The following SIPA1L3 variants were observed in gnomAD, a reference collection of about 807,000 sequenced individuals.
SIPA1L3 encodes signal-induced proliferation-associated 1-like protein 3.
A neutral mutation model predicts 150.1 loss-of-function variants in SIPA1L3; 59 were observed. The observed-to-expected ratio is 0.39, with a 90% CI of 0.32 to 0.49. SIPA1L3 has a LOEUF of 0.49. Ranked by LOEUF, SIPA1L3 falls within the 20% of genes least tolerant of loss-of-function variation. The pLI is 0.86. For synonymous variants in SIPA1L3, 1,070 were observed against 1,077.6 expected (o/e 0.99, Z 0.14); for missense variants, 2,211 against 2,489.5 (o/e 0.89, Z 2.38).
chr19:38,089,887 C>T (rs55691903), intron 4 of SIPA1L3, among the ~76,000 whole-genome samples: 9,720 of 152,260 alleles, frequency 0.064, 1,047 homozygotes, highest in African/African-American at 0.22. Context: ...CAAATGCAGT[C>T]TCCAGAACTC....
intron 9 of SIPA1L3, among the ~76,000 whole-genome samples, chr19:38,123,753 A>C (rs1215487741): frequency 2.6e-5 from 4 of 151,938 alleles, no homozygotes; most frequent in East Asian, 3.9e-4. Flanking sequence ...CATTGTCATC[A>C]TGGCCCGTTC....
At chr19:38,196,276 C>T (rs1006120043) in intron 18 of SIPA1L3, among the ~76,000 whole-genome samples, 17 of 152,194 alleles carry the variant, frequency 1.1e-4, no homozygotes, top group Admixed American at 3.3e-4. Context: ...AGCAGTGAGA[C>T]GCCAGCAGGC....
intron 10 of SIPA1L3, among the ~76,000 whole-genome samples, chr19:38,134,158 A>G (rs934707424): frequency 2.6e-5 from 4 of 151,380 alleles, no homozygotes; most frequent in Non-Finnish European, 4.4e-5. Flanking sequence ...TAATTTTTGT[A>G]TTTTTAGCAG....
At position 38,141,392 on chromosome 19, in the gene SIPA1L3, C is replaced by T. The variant is rs937543173; in HGVS notation, c.3352C>T (p.Pro1118Ser). Residue 1118 changes from proline (P) to serine (S), a missense_variant, in exon 11 of 22, where the codon CCC (proline) becomes TCC (serine). Physicochemically the swap from Pro to Ser is moderately conservative, Grantham distance 74. Coordinates refer to ENST00000222345, the MANE Select transcript of SIPA1L3 (RefSeq NM_015073.3). Reference protein sequence around the residue: ...QSLSRPLKQTPIVPFRESQPL... With the variant: ...QSLSRPLKQTSIVPFRESQPL... The stretch of plus-strand genomic sequence containing the variant: ...CCTGAGCCGGCCCCTGAAGCAGACC[C>T]CCATAGTCCCCTTCCGGGAGTCCCA... The T allele has an allele frequency of 6.2e-7, 1 of 1,613,194 alleles. No individual in the cohort carries two copies. The highest frequency in any genetic ancestry group is 1.3e-5 in the African/African-American group (1 of 75,032).
At chr19:38,205,004 C>T (rs1468753554) in intron 21 of SIPA1L3, among the ~76,000 whole-genome samples, 2 of 152,180 alleles carry the variant, frequency 1.3e-5, no homozygotes, top group Non-Finnish European at 2.9e-5. Flanking sequence ...TATTTACTAA[C>T]ACGCAAAAGA....
At chr19:38,102,234 A>G (rs961033315) in intron 6 of SIPA1L3, among the ~76,000 whole-genome samples, 2 of 150,150 alleles carry the variant, frequency 1.3e-5, no homozygotes, top group Admixed American at 6.7e-5. Context: ...TTTAGTAGAG[A>G]TGGGGATTTA....
At chr19:38,140,532 C>T (rs1380558805) in intron 10 of SIPA1L3, among the ~76,000 whole-genome samples, 2 of 152,166 alleles carry the variant, frequency 1.3e-5, no homozygotes, top group Non-Finnish European at 2.9e-5. Context: ...CTGAGTACCG[C>T]TAAGGGGGGC....
At chr19:38,041,251 C>A (rs1031500469) in intron 2 of SIPA1L3, among the ~76,000 whole-genome samples, 1 of 149,046 alleles carries the variant, frequency 6.7e-6, no homozygotes, top group Non-Finnish European at 1.5e-5. Flanking sequence ...GGATTACAGG[C>A]ACCCGCCAAC....
chr19:38,044,358 T>C (rs2145746297), intron 2 of SIPA1L3, among the ~76,000 whole-genome samples: 1 of 152,118 alleles, frequency 6.6e-6, no homozygotes, highest in Middle Eastern at 3.4e-3. Flanking sequence ...CACAGAGGTG[T>C]TGAAATCACG....
At chr19:38,004,631 T>C (rs1186025278) in intron 1 of SIPA1L3, among the ~76,000 whole-genome samples, 1 of 152,202 alleles carries the variant, frequency 6.6e-6, no homozygotes, top group African/African-American at 2.4e-5. Context: ...TGTCCCGAAC[T>C]ATCATGCAAA....
chr19:38,193,309 A>G (rs1350994343), intron 17 of SIPA1L3, among the ~76,000 whole-genome samples: 1 of 145,176 alleles, frequency 6.9e-6, no homozygotes, highest in Non-Finnish European at 1.5e-5. Context: ...AGATCGCCCC[A>G]TTATACTCCA....
At chr19:38,057,241 A>G (rs1969337442) in intron 2 of SIPA1L3, among the ~76,000 whole-genome samples, 1 of 151,774 alleles carries the variant, frequency 6.6e-6, no homozygotes, top group Admixed American at 6.6e-5. Context: ...ACTGCATTCC[A>G]GCCTAGAGTG....
chr19:38,186,431 G>C (rs1972679447), intron 16 of SIPA1L3, among the ~76,000 whole-genome samples: 1 of 151,972 alleles, frequency 6.6e-6, no homozygotes, highest in African/African-American at 2.4e-5. Flanking sequence ...TTCTGCCTCA[G>C]CCTACCAAGT....
intron 13 of SIPA1L3, among the ~76,000 whole-genome samples, chr19:38,159,771 G>A (rs1370953283): frequency 6.6e-6 from 1 of 152,228 alleles, no homozygotes; most frequent in Non-Finnish European, 1.5e-5. Context: ...AGTGGTACTG[G>A]GAGGACGCAG....
At chr19:38,016,523 GTC>G (rs1450600232) in intron 1 of SIPA1L3, among the ~76,000 whole-genome samples, 1 of 152,016 alleles carries the variant, frequency 6.6e-6, no homozygotes, top group Admixed American at 6.6e-5. Context: ...TTGAGATGGA[GTC>G]TCTGTCGCTG....
chr19:38,098,000 G>A lies in SIPA1L3; in HGVS notation c.1666-1962G>A, dbSNP rs544917751. 2.0e-5 allele frequency among the ~76,000 whole-genome samples: 3 copies of A among 152,300 alleles called. No individual in the cohort carries two copies. The East Asian group carries it at 5.8e-4, about 29-fold the overall frequency. ...GTCAGCTGTGGTGACCTTGGATAAG[G>A]CACGTAACCTCTTGGAACTTCAATT... On this transcript the variant is annotated intron_variant, in intron 4 of 21. Coordinates refer to ENST00000222345, the MANE Select transcript of SIPA1L3 (RefSeq NM_015073.3).
intron 1 of SIPA1L3, among the ~76,000 whole-genome samples, chr19:37,928,022 G>C (rs1157780619): frequency 6.6e-6 from 1 of 152,136 alleles, no homozygotes; most frequent in Non-Finnish European, 1.5e-5. Context: ...TGCGATGAAC[G>C]TAGGAGTGCA....
chr19:38,047,550 C>A lies in SIPA1L3; in HGVS notation c.-311+18394C>A, dbSNP rs1288421985. 6.6e-6 allele frequency among the ~76,000 whole-genome samples: 1 copy of A among 152,170 alleles called. No homozygotes were observed. Reference sequence around the variant, plus strand: ...AGGTTTGTGTTATTTTTTCCTCCTTCGACCTCGATCCCTCCTGCCACTCAC... The same window carrying A: ...AGGTTTGTGTTATTTTTTCCTCCTTAGACCTCGATCCCTCCTGCCACTCAC... On this transcript the variant is annotated intron_variant, in intron 2 of 21. Coordinates refer to ENST00000222345, the MANE Select transcript of SIPA1L3 (RefSeq NM_015073.3). This position sits in a 1 kb window ranked among gnomAD's most constrained non-coding sequence, Gnocchi z 4.7.
intron 9 of SIPA1L3, among the ~76,000 whole-genome samples, chr19:38,120,948 T>G (rs1179978905): frequency 1.3e-5 from 2 of 152,228 alleles, no homozygotes; most frequent in Non-Finnish European, 2.9e-5. Context: ...AAGGCCTGGC[T>G]TCAAGTCCCA....
Sources: gnomAD v4.1 joint callset for allele counts (sites outside exome capture counted in the v4.1 genomes callset) on GRCh38, gnomAD v4.1.1 for gene constraint, Gnocchi (gnomAD v3.1) non-coding constraint, MANE v1.5 for transcripts, NCBI Gene and HGNC (gene_info 2026-07-23, HGNC 2026-07-21) for gene names.